Variants in SLC39A14 observed in about 807,000 individuals in gnomAD.
The protein encoded by SLC39A14 is metal cation symporter ZIP14.
SLC39A14 carries 19 observed loss-of-function variants against 45.5 expected under a neutral mutation model. The ratio of observed to expected loss-of-function variants is 0.42; its 90% CI spans 0.29 to 0.61. The LOEUF (loss-of-function observed/expected upper bound fraction) is 0.61, where lower values mean the gene tolerates loss of function less well. SLC39A14 is among the 20% of genes least tolerant of loss of function. The pLI is 0.22. For missense variants in SLC39A14, 447 were observed against 616.5 expected (o/e 0.73, Z 2.91); for synonymous variants, 264 against 251.3 (o/e 1.05, Z -0.48).
chr8:22,397,877 T>C (rs1434102077), intron 1 of SLC39A14, among the ~76,000 whole-genome samples: 2 of 152,174 alleles, frequency 1.3e-5, no homozygotes, highest in Non-Finnish European at 1.5e-5. Context: ...ATGAGCTGTT[T>C]TCCTGGGAGA....
downstream of SLC39A14, among the ~76,000 whole-genome samples, chr8:22,423,883 G>T (rs1002213870): frequency 4.6e-5 from 7 of 151,394 alleles, no homozygotes; most frequent in African/African-American, 1.5e-4. Flanking sequence ...GAGAGAGAGA[G>T]TGAGCTTGAA....
rs769990088 is a variant in SLC39A14 at position 22,416,061 on chromosome 8, G to T, written c.940-12G>T. 2 of 1,613,668 alleles carry T rather than the reference G, an allele frequency of 1.2e-6. No homozygotes were observed. The highest frequency in any genetic ancestry group is 1.7e-6 in the Non-Finnish European group (2 of 1,179,620). ...TTGACGCTGTGGGCCCTGGGGGTGT[G>T]CTTTCTCCTAGGACCTGCAGGCTTC... is the stretch of plus-strand genomic sequence containing the variant. On this transcript the variant is annotated splice_polypyrimidine_tract_variant and intron_variant, in intron 6 of 8. Transcript: ENST00000381237.
At chr8:22,403,726 G>A (rs181387210) in intron 1 of SLC39A14, among the ~76,000 whole-genome samples, 2 of 150,868 alleles carry the variant, frequency 1.3e-5, no homozygotes, top group Admixed American at 6.6e-5. Flanking sequence ...TGAGACGAGC[G>A]GGCAAATATG....
chr8:22,425,189 G>A (rs983681648), downstream of SLC39A14, among the ~76,000 whole-genome samples: 2 of 151,084 alleles, frequency 1.3e-5, no homozygotes, highest in Non-Finnish European at 2.9e-5. Flanking sequence ...ATTTAGAAAT[G>A]TAAGTTTGAG....
At chr8:22,395,667 C>T (rs181846222) in intron 1 of SLC39A14, among the ~76,000 whole-genome samples, 33 of 152,262 alleles carry the variant, frequency 2.2e-4, no homozygotes, top group South Asian at 4.1e-4. Context: ...TTTGGTCTCA[C>T]GTTGGTTATA....
chr8:22,378,784 C>A (rs778596020), intron 1 of SLC39A14, among the ~76,000 whole-genome samples: 2 of 152,158 alleles, frequency 1.3e-5, no homozygotes, highest in Admixed American at 6.5e-5. Context: ...ATTCATGGGT[C>A]CCGCCCATAC....
At chr8:22,374,632 A>G (rs1833111610) in intron 1 of SLC39A14, among the ~76,000 whole-genome samples, 1 of 151,806 alleles carries the variant, frequency 6.6e-6, no homozygotes, top group Non-Finnish European at 1.5e-5. Context: ...GGAGTCTTGA[A>G]TGGCTCGGGT....
At chr8:22,408,621 C>A (rs772746995) in intron 3 of SLC39A14, 125 bp downstream of exon 3, 17 of 911,746 alleles carry the variant, frequency 1.9e-5, no homozygotes, top group African/African-American at 5.0e-5. Context: ...ATGAGGTTGT[C>A]GGTGTCAGGA....
At chr8:22,397,205 C>G (rs74470464) in intron 1 of SLC39A14, among the ~76,000 whole-genome samples, 1 of 152,180 alleles carries the variant, frequency 6.6e-6, no homozygotes, top group Non-Finnish European at 1.5e-5. Flanking sequence ...CGTGGCCCTT[C>G]CATTGCCAGG....
chr8:22,404,462 GTTTT>G, intron 1 of SLC39A14: 3 of 218,806 alleles, frequency 1.4e-5, no homozygotes, highest in Non-Finnish European at 2.4e-5. Context: ...ATTGCTGTTT[GTTTT>G]TTTTTTTTTC....
intron 1 of SLC39A14, among the ~76,000 whole-genome samples, chr8:22,379,692 A>T (rs1480886119): frequency 1.3e-5 from 2 of 152,200 alleles, no homozygotes; most frequent in African/African-American, 4.8e-5. Context: ...GCACTTTGGG[A>T]GGCCGAGGCG....
rs1039932156 is a variant in SLC39A14 at position 22,421,944 on chromosome 8, C to T, written c.*2246C>T. 2.3e-5 allele frequency: 23 copies of T among 985,310 alleles called. No homozygotes were observed. Among genetic ancestry groups the T allele is most frequent in the Non-Finnish European group, 2.4e-5 (20 of 829,930 alleles). The allele number at this position is 985,310 out of a possible 1,614,324, so 61.0% of individuals were successfully genotyped here. ...GCCTCAAAGGGAAATCCTCTTTAAA[C>T]CGTAGTTGGCGCAGAGGTCAGTCCT... On this transcript the variant is annotated 3_prime_UTR_variant, in exon 9 of 9. Transcript: ENST00000381237.
chr8:22,418,684 A>G (rs1288255536), intron 8 of SLC39A14, among the ~76,000 whole-genome samples: 2 of 152,172 alleles, frequency 1.3e-5, no homozygotes, highest in Admixed American at 1.3e-4. Context: ...GGCTCCAGCC[A>G]CCATGCCCAG....
chr8:22,425,238 A>T (rs2132397224), downstream of SLC39A14, among the ~76,000 whole-genome samples: 1 of 152,306 alleles, frequency 6.6e-6, no homozygotes, highest in South Asian at 2.1e-4. Flanking sequence ...AGAGCTAAGC[A>T]AAGTAAACAG....
At chr8:22,379,972 A>AATAT (rs1421333846) in intron 1 of SLC39A14, among the ~76,000 whole-genome samples, 1 of 152,068 alleles carries the variant, frequency 6.6e-6, no homozygotes, top group Non-Finnish European at 1.5e-5. Context: ...CAACACTAAC[A>AATAT]ATATAATGGT....
chr8:22,404,466 T>G lies in SLC39A14; in HGVS notation c.-15-230T>G, dbSNP rs568899897. The G allele has an allele frequency of 2.1e-4, 72 of 345,694 alleles. 3 individuals are homozygous for G. In the Middle Eastern group the frequency reaches 6.3e-3, roughly 30 times the overall value. 21.4% of individuals were successfully genotyped at this position (345,694 alleles called of 1,614,324 possible). A position where few individuals can be genotyped will look rare whatever the true frequency, so the allele number is the denominator to read the frequency against. On this transcript the variant is annotated intron_variant, in intron 1 of 8. Coordinates refer to ENST00000381237, the MANE Select transcript of SLC39A14 (RefSeq NM_001128431.4). ...ATCATAACCGCATTGCTGTTTGTTT[T>G]TTTTTTTTTCATTTTTCAATCTAGT...
At chr8:22,381,066 T>C (rs892651338) in intron 1 of SLC39A14, among the ~76,000 whole-genome samples, 7 of 151,412 alleles carry the variant, frequency 4.6e-5, no homozygotes, top group Non-Finnish European at 1.0e-4. Flanking sequence ...TTCCGTCTCC[T>C]GGGTTCAAGC....
chr8:22,371,026 C>T (rs1175087798), intron 1 of SLC39A14, among the ~76,000 whole-genome samples: 1 of 152,176 alleles, frequency 6.6e-6, no homozygotes, highest in Non-Finnish European at 1.5e-5. Flanking sequence ...TCCCCCCTCC[C>T]CCCACTACCG....
At chr8:22,382,755 C>T (rs1833581142) in intron 1 of SLC39A14, among the ~76,000 whole-genome samples, 2 of 152,260 alleles carry the variant, frequency 1.3e-5, no homozygotes, top group Admixed American at 1.3e-4. Context: ...TACTCTGCCA[C>T]CCATGTTGGA....
Sources: gnomAD v4.1 joint callset for allele counts (sites outside exome capture counted in the v4.1 genomes callset) on GRCh38, gnomAD v4.1.1 for gene constraint, MANE v1.5 for transcripts, NCBI Gene and HGNC (gene_info 2026-07-23, HGNC 2026-07-21) for gene names.